Variants in SLC25A14 observed in about 807,000 individuals in gnomAD.
SLC25A14 encodes the protein brain mitochondrial carrier protein 1.
SLC25A14 carries 8 observed loss-of-function variants against 28.1 expected under a neutral mutation model. The ratio of observed to expected loss-of-function variants is 0.28; its 90% CI spans 0.17 to 0.51. The LOEUF is 0.51. Among genes scored for constraint, SLC25A14 ranks in the 20% least tolerant of loss-of-function variants. The pLI is 0.97. For synonymous variants in SLC25A14, 74 were observed against 90.6 expected, an observed-to-expected ratio of 0.82 and a Z score of 1.04; for missense variants, 135 against 263.8, an observed-to-expected ratio of 0.51 and a Z score of 3.38.
chrX:130,340,195 C>T lies in SLC25A14; in HGVS notation c.-84C>T. ...TGCTTCCTCGACCCCCCTGGGAGGC[C>T]GCCTTCTTCAGGCGCCTCCCTTCTC... On this transcript the variant is annotated 5_prime_UTR_variant, in exon 2 of 11. Coordinates refer to ENST00000545805, the MANE Select transcript of SLC25A14 (RefSeq NM_001282195.2). 1 of 1,184,632 alleles carries T rather than the reference C, an allele frequency of 8.4e-7. No homozygotes were observed. The highest frequency in any genetic ancestry group is 3.0e-5 in the East Asian group (1 of 33,595).
At chrX:130,354,345 C>A (rs1439913509) in intron 6 of SLC25A14, among the ~76,000 whole-genome samples, 1 of 111,379 alleles carries the variant, frequency 9.0e-6, no homozygotes, top group Non-Finnish European at 1.9e-5. Context: ...GATTTCCTGA[C>A]CTCGTGATCC....
At chrX:130,365,026 TAATAA>T in intron 8 of SLC25A14, 3 of 340,029 alleles carry the variant, frequency 8.8e-6, no homozygotes, top group South Asian at 2.0e-4. Flanking sequence ...CTTCTATATC[TAATAA>T]GCACATCTAT....
Position 130,364,617 on chromosome X carries a change from G to A in SLC25A14, c.595-11G>A, listed in dbSNP as rs1254160594. 5.9e-5 allele frequency: 71 copies of A among 1,194,306 alleles called. No homozygotes were observed. Among genetic ancestry groups the A allele is most frequent in the Non-Finnish European group, 8.0e-5 (71 of 882,249 alleles). ...ATTTCCTTGGTGCCTAATGTCACTT[G>A]TGTTTCGTAGGGTGTGGTTCCAACT... On this transcript the variant is annotated splice_polypyrimidine_tract_variant and intron_variant, in intron 7 of 10. Transcript: ENST00000545805.
At chrX:130,369,974 A>C (rs1194537377) in intron 9 of SLC25A14, among the ~76,000 whole-genome samples, 1 of 112,154 alleles carries the variant, frequency 8.9e-6, no homozygotes, top group Non-Finnish European at 1.9e-5. Context: ...ATTTTAGACC[A>C]ATTAAAAGTC....
chrX:130,353,890 ATTTT>A (rs1288701669), intron 6 of SLC25A14, among the ~76,000 whole-genome samples: 1 of 111,512 alleles, frequency 9.0e-6, no homozygotes, highest in Non-Finnish European at 1.9e-5. Context: ...TACTTAACCT[ATTTT>A]GACTAATTCC....
rs1014117901 is a variant in SLC25A14, at chrX:130,347,452, T to C, written c.317+761T>C. On this transcript the variant is annotated intron_variant, in intron 4 of 10. Coordinates refer to ENST00000545805, the MANE Select transcript of SLC25A14 (RefSeq NM_001282195.2). ...ATAGCAAGCAATAAAGTCAGAAATA[T>C]GCATATTTAGTCATCATTTAAAAAT... is the stretch of plus-strand genomic sequence containing the variant. Among the ~76,000 whole-genome samples, 5 of 111,791 alleles carry C rather than the reference T, an allele frequency of 4.5e-5. No individual in the cohort carries two copies. In the Admixed American group the frequency reaches 4.8e-4, roughly 11 times the overall value.
intron 7 of SLC25A14, 137 bp downstream of exon 7, chrX:130,358,872 G>A: frequency 1.6e-6 from 1 of 643,800 alleles, no homozygotes; most frequent in Non-Finnish European, 2.4e-6. Context: ...TCCCTTGAAA[G>A]GCCCAAAACT....
intron 5 of SLC25A14, among the ~76,000 whole-genome samples, chrX:130,350,408 A>G (rs2033590245): frequency 8.9e-6 from 1 of 111,855 alleles, no homozygotes; most frequent in Non-Finnish European, 1.9e-5. Flanking sequence ...GACGTGTTCC[A>G]GTGTCCTTTA....
chrX:130,358,303 G>A (rs766080621), intron 6 of SLC25A14, among the ~76,000 whole-genome samples: 1 of 111,541 alleles, frequency 9.0e-6, no homozygotes, highest in Admixed American at 9.5e-5. Context: ...ATATTAAGTT[G>A]TTTCTAATTT....
chrX:130,351,104 T>C (rs774047413), intron 6 of SLC25A14, among the ~76,000 whole-genome samples: 3 of 111,292 alleles, frequency 2.7e-5, no homozygotes, highest in East Asian at 5.6e-4. Context: ...TTACATCCAT[T>C]TGTACTCCAT....
At chrX:130,361,690 T>C (rs1484194500) in intron 7 of SLC25A14, among the ~76,000 whole-genome samples, 1 of 111,681 alleles carries the variant, frequency 9.0e-6, no homozygotes, top group Non-Finnish European at 1.9e-5. Context: ...TGGTGGGGAC[T>C]GTGGTCCTGG....
rs2036953113 is a variant in SLC25A14 at position 130,352,363 on chromosome X, G to A, written c.498+1632G>A. Among the ~76,000 whole-genome samples the A allele has an allele frequency of 2.7e-5, 3 of 112,120 alleles. 1 individual carries two copies. Among genetic ancestry groups the A allele is most frequent in the Admixed American group, 1.9e-4 (2 of 10,582 alleles). ...TTCCATGTCTTTGCTATTGTGAATAGTGCTGTGATGAACATAGGAGTGTAT... is the reference window on the plus strand; with the variant it reads ...TTCCATGTCTTTGCTATTGTGAATAATGCTGTGATGAACATAGGAGTGTAT... On this transcript the variant is annotated intron_variant, in intron 6 of 10. Coordinates refer to ENST00000545805, the MANE Select transcript of SLC25A14 (RefSeq NM_001282195.2).
chrX:130,340,232 G>C lies in SLC25A14; in HGVS notation c.-47G>C. The C allele has an allele frequency of 8.3e-7, 1 of 1,209,173 alleles. No homozygotes were observed. The highest frequency in any genetic ancestry group is 1.1e-6 in the Non-Finnish European group (1 of 894,096). The stretch of plus-strand genomic sequence containing the variant: ...GCGCCTCCCTTCTCTCCACGAGCTC[G>C]CTCTGACAGCTGAGGAACTGGCAAG... On this transcript the variant is annotated 5_prime_UTR_variant, in exon 2 of 11. Transcript: ENST00000545805.
At chrX:130,359,003 T>G in intron 7 of SLC25A14, 1 of 1,035,862 alleles carries the variant, frequency 9.7e-7, no homozygotes, top group Non-Finnish European at 1.3e-6. Context: ...TCAGTGTATT[T>G]TTTTGCAAGT....
chrX:130,345,119 T>C, intron 2 of SLC25A14, 63 bp from the exon 3 acceptor site: 1 of 769,179 alleles, frequency 1.3e-6, no homozygotes, highest in Non-Finnish European at 2.0e-6. Context: ...CTAAATTATA[T>C]GATCAGATGC....
At chrX:130,372,259 A>G (rs1173404063) in intron 10 of SLC25A14, among the ~76,000 whole-genome samples, 1 of 110,908 alleles carries the variant, frequency 9.0e-6, no homozygotes, top group Non-Finnish European at 1.9e-5. Flanking sequence ...CTGATCATCT[A>G]ATTAATTATA....
chrX:130,350,179 A>G (rs2033582784), intron 5 of SLC25A14, among the ~76,000 whole-genome samples: 1 of 112,066 alleles, frequency 8.9e-6, no homozygotes, highest in African/African-American at 3.2e-5. Flanking sequence ...AACAGAGGCT[A>G]GGAGAGATCT....
At chrX:130,345,807 C>T (rs1198684738) in intron 3 of SLC25A14, among the ~76,000 whole-genome samples, 1 of 111,107 alleles carries the variant, frequency 9.0e-6, no homozygotes, top group East Asian at 2.8e-4. Flanking sequence ...TTGGCATATC[C>T]TGTGGTGTTG....
rs772178322 is a variant in SLC25A14 at position 130,364,660 on chromosome X, C to T, written c.627C>T (p.Ile209=). The part of the protein sequence containing the change: ...GVVPTAQRAA[I]VVGVELPVYD... ...TTCCAACTGCTCAGCGTGCTGCCAT[C>T]GTTGTAGGAGTAGAGCTACCAGTCT... The change falls in exon 8 of 11, where the codon ATC becomes ATT. Residue 209 remains isoleucine (I), a synonymous_variant. Coordinates refer to ENST00000545805, the MANE Select transcript of SLC25A14 (RefSeq NM_001282195.2). The T allele has an allele frequency of 1.9e-5, 23 of 1,207,276 alleles. No homozygotes were observed. The highest frequency in any genetic ancestry group is 5.3e-5 in the African/African-American group (3 of 57,089).
Sources: allele counts gnomAD v4.1 joint callset (sites outside exome capture counted in the v4.1 genomes callset), GRCh38; gene constraint gnomAD v4.1.1; transcripts MANE v1.5; gene names NCBI Gene and HGNC (gene_info 2026-07-23, HGNC 2026-07-21).